Variants in TLE1 observed in about 807,000 individuals in gnomAD.
TLE1 encodes transducin-like enhancer protein 1.
TLE1 carries 21 observed loss-of-function variants against 89.8 expected under a neutral mutation model. The ratio of observed to expected loss-of-function variants is 0.23; its 90% confidence interval spans 0.17 to 0.34. The LOEUF (loss-of-function observed/expected upper bound fraction) is 0.34. TLE1 is among the 10% of genes least tolerant of loss of function. The pLI, the probability that TLE1 is intolerant of heterozygous loss-of-function variation, is 1.00. For missense variants in TLE1, 795 were observed against 1,031.2 expected (o/e 0.77, Z 3.14); for synonymous variants, 447 against 407.6 (o/e 1.10, Z -1.16).
At chr9:81,654,691 G>C (rs939420952) in intron 4 of TLE1, among the ~76,000 whole-genome samples, 2 of 152,146 alleles carry the variant, frequency 1.3e-5, no homozygotes, top group South Asian at 2.1e-4. Flanking sequence ...TGTCATTATT[G>C]CAAGTTCATT....
intron 4 of TLE1, among the ~76,000 whole-genome samples, chr9:81,664,584 G>A (rs762776946): frequency 1.3e-5 from 2 of 151,974 alleles, no homozygotes; most frequent in African/African-American, 2.4e-5. Flanking sequence ...TGGGGAGGTC[G>A]GGCACAGTGG....
chr9:81,591,847 T>TA (rs1048349012), intron 15 of TLE1, among the ~76,000 whole-genome samples: 7 of 152,150 alleles, frequency 4.6e-5, no homozygotes, highest in Non-Finnish European at 1.0e-4. Flanking sequence ...ATAACTACTC[T>TA]AAAAAAAGTC....
At chr9:81,597,186 A>G (rs1401616053) in intron 14 of TLE1, among the ~76,000 whole-genome samples, 1 of 152,164 alleles carries the variant, frequency 6.6e-6, no homozygotes, top group African/African-American at 2.4e-5. Context: ...TGTAAGGATT[A>G]AAGTGGTAAC....
chr9:81,624,209 T>TA (rs1292670802), intron 8 of TLE1, among the ~76,000 whole-genome samples: 22 of 152,336 alleles, frequency 1.4e-4, no homozygotes, highest in African/African-American at 4.8e-4. Context: ...AATGCCTTGC[T>TA]TTAATCAGGT....
At chr9:81,616,730 T>C (rs761445388) in intron 9 of TLE1, 31 bp from the exon 10 acceptor site, 2 of 1,613,392 alleles carry the variant, frequency 1.2e-6, no homozygotes, top group Non-Finnish European at 1.7e-6. Context: ...CGCCATTTAC[T>C]AAAAGCTAAG....
intron 9 of TLE1, among the ~76,000 whole-genome samples, chr9:81,618,848 C>T (rs1450594228): frequency 2.0e-5 from 3 of 152,182 alleles, no homozygotes; most frequent in African/African-American, 7.2e-5. Context: ...TAGCTTTGTA[C>T]CGGACCCTTC....
chr9:81,612,605 A>T (rs779525162), intron 12 of TLE1, among the ~76,000 whole-genome samples: 41 of 152,176 alleles, frequency 2.7e-4, no homozygotes, highest in Non-Finnish European at 4.7e-4. Context: ...GCAGAAAACC[A>T]GCAAACTATA....
At chr9:81,646,043 T>G (rs1237095079) in intron 6 of TLE1, among the ~76,000 whole-genome samples, 3 of 152,202 alleles carry the variant, frequency 2.0e-5, no homozygotes, top group Admixed American at 6.5e-5. Context: ...GTGGGTGGGT[T>G]GATAGGTGCA....
intron 4 of TLE1, among the ~76,000 whole-genome samples, chr9:81,666,162 GGA>G (rs1831437877): frequency 6.6e-6 from 1 of 152,076 alleles, no homozygotes; most frequent in Non-Finnish European, 1.5e-5. Context: ...GTCCCAGGAT[GGA>G]AAAAGGACAG....
At chr9:81,671,669 A>G (rs1473625981) in intron 4 of TLE1, among the ~76,000 whole-genome samples, 1 of 152,086 alleles carries the variant, frequency 6.6e-6, no homozygotes, top group Non-Finnish European at 1.5e-5. Flanking sequence ...AAAAAAATCT[A>G]TATACTCAGA....
At chr9:81,674,794 G>A (rs994770835) in intron 4 of TLE1, among the ~76,000 whole-genome samples, 8 of 152,014 alleles carry the variant, frequency 5.3e-5, no homozygotes, top group African/African-American at 7.2e-5. Flanking sequence ...ATACAACCAC[G>A]CCAAAAGTAC....
chr9:81,686,599 T>C (rs1554707546), intron 2 of TLE1, among the ~76,000 whole-genome samples: 2 of 152,192 alleles, frequency 1.3e-5, no homozygotes, highest in Non-Finnish European at 2.9e-5. Context: ...AAAATGTCAA[T>C]ACAGTTATTT....
chr9:81,613,641 T>A, intron 11 of TLE1, 120 bp from the exon 12 acceptor site: 1 of 1,138,648 alleles, frequency 8.8e-7, no homozygotes, highest in Non-Finnish European at 1.3e-6. Flanking sequence ...CCAATTTTCA[T>A]AAATCCACAC....
intron 8 of TLE1, among the ~76,000 whole-genome samples, chr9:81,627,355 CT>C (rs1188235886): frequency 6.6e-6 from 1 of 151,340 alleles, no homozygotes; most frequent in African/African-American, 2.4e-5. Flanking sequence ...CCTATTTTCA[CT>C]GTAATCACAG....
At chr9:81,600,272 CACACT>C (rs1243524979) in intron 14 of TLE1, among the ~76,000 whole-genome samples, 1 of 152,178 alleles carries the variant, frequency 6.6e-6, no homozygotes, top group Non-Finnish European at 1.5e-5. Context: ...AAGAAATATA[CACACT>C]ACATTTATAT....
chr9:81,653,915 T>C lies in TLE1; in HGVS notation c.297+59A>G. On this transcript the variant is annotated intron_variant, in intron 5 of 19. Transcript: ENST00000376499. ...ATAAAATTAACATCTTAAAACTAGCTAATTTGCAAACAGAGAAGCAACATA... is the reference window on the plus strand; with the variant it reads ...ATAAAATTAACATCTTAAAACTAGCCAATTTGCAAACAGAGAAGCAACATA... The C allele has an allele frequency of 2.0e-6, 3 of 1,496,954 alleles. No individual in the cohort carries two copies. The African/African-American group carries it at 4.1e-5, about 21-fold the overall frequency. The allele number at this position is 1,496,954 out of a possible 1,614,324, so 92.7% of individuals were successfully genotyped here.
intron 6 of TLE1, among the ~76,000 whole-genome samples, chr9:81,648,582 A>C (rs571982141): frequency 6.6e-6 from 1 of 152,326 alleles, no homozygotes; most frequent in South Asian, 2.1e-4. Context: ...AGAGAACAAT[A>C]ATTATTTAAA....
intron 4 of TLE1, among the ~76,000 whole-genome samples, chr9:81,684,616 C>T (rs932442392): frequency 6.6e-6 from 1 of 152,166 alleles, no homozygotes; most frequent in Non-Finnish European, 1.5e-5. Flanking sequence ...GTGCCCCAGC[C>T]GGTCAGCCAT....
intron 8 of TLE1, among the ~76,000 whole-genome samples, chr9:81,622,462 T>G (rs1222082347): frequency 1.3e-5 from 2 of 152,178 alleles, no homozygotes; most frequent in Non-Finnish European, 2.9e-5. Context: ...TTGTTGTCGT[T>G]TAATGATGTC....
Sources: allele counts gnomAD v4.1 joint callset (sites outside exome capture counted in the v4.1 genomes callset), GRCh38; gene constraint gnomAD v4.1.1; transcripts MANE v1.5; gene names NCBI Gene and HGNC (gene_info 2026-07-23, HGNC 2026-07-21).